SLC25A51: variants seen among roughly 807,000 people sequenced by gnomAD.
SLC25A51 encodes mitochondrial nicotinamide adenine dinucleotide transporter SLC25A51.
SLC25A51 carries 11 observed loss-of-function variants against 19.1 expected under a neutral mutation model. The ratio of observed to expected loss-of-function variants is 0.58; its 90% CI spans 0.36 to 0.96. SLC25A51 has a LOEUF of 0.96. Ranked by LOEUF, SLC25A51 falls within the 40% of genes least tolerant of loss-of-function variation. The pLI, the probability that SLC25A51 is intolerant of heterozygous loss-of-function variation, is 0.01. For missense variants in SLC25A51, 201 were observed against 365.4 expected, an observed-to-expected ratio of 0.55 and a Z score of 3.67; for synonymous variants, 105 against 133.6, an observed-to-expected ratio of 0.79 and a Z score of 1.47.
At chr9:37,881,335 T>A (rs1004840953) in intron 3 of SLC25A51, among the ~76,000 whole-genome samples, 1 of 151,824 alleles carries the variant, frequency 6.6e-6, no homozygotes, top group South Asian at 2.1e-4. Context: ...AGTAGAGAAG[T>A]GTATTAAATA....
At chr9:37,892,043 T>C (rs1564068911) in intron 2 of SLC25A51, among the ~76,000 whole-genome samples, 1 of 151,994 alleles carries the variant, frequency 6.6e-6, no homozygotes, top group Non-Finnish European at 1.5e-5. Context: ...TTATTAAAAA[T>C]AAAGAAGTGT....
intron 2 of SLC25A51, among the ~76,000 whole-genome samples, chr9:37,892,538 C>T (rs1387223373): frequency 2.0e-5 from 3 of 151,780 alleles, no homozygotes; most frequent in African/African-American, 4.8e-5. Context: ...TATATATATA[C>T]AATATATACA....
chr9:37,901,162 T>C (rs1831839579), intron 1 of SLC25A51, among the ~76,000 whole-genome samples: 1 of 152,020 alleles, frequency 6.6e-6, no homozygotes, highest in Admixed American at 6.6e-5. Flanking sequence ...CATGCTCACC[T>C]AGTTTAAAAA....
At chr9:37,901,341 T>C (rs1831844448) in intron 1 of SLC25A51, among the ~76,000 whole-genome samples, 2 of 152,072 alleles carry the variant, frequency 1.3e-5, no homozygotes, top group South Asian at 4.2e-4. Flanking sequence ...CTAATTTCTG[T>C]ATTTTTAGTG....
exon 4 of SLC25A51, chr9:37,880,139 T>C (rs1831322465): frequency 6.8e-6 from 1 of 146,042 alleles, no homozygotes; most frequent in Non-Finnish European, 1.5e-5. Context: ...GGCGCAAAAC[T>C]GTCTCTACTG....
downstream of SLC25A51, chr9:37,886,484 C>T (rs1831460502): frequency 1.5e-6 from 2 of 1,372,140 alleles, no homozygotes; most frequent in Non-Finnish European, 9.7e-7. Context: ...TATGTTTTCC[C>T]TTTGGCTGTG....
intron 2 of SLC25A51, among the ~76,000 whole-genome samples, chr9:37,897,634 T>C (rs373467848): frequency 7.9e-5 from 12 of 151,088 alleles, no homozygotes; most frequent in Admixed American, 2.0e-4. Flanking sequence ...TAAAGGATTA[T>C]AATAAATTAT....
In SLC25A51 at chr9:37,887,777, C is replaced by T; in HGVS notation, c.774G>A (p.Trp258Ter). ...TTATCAGTTTTCTGTCCCGTTCCAG[C>T]CAGATTTTTTGGAAAACCTTGGGGA... is the stretch of plus-strand genomic sequence containing the variant. ...QSFPKVFQKIWLERDRKLINL... is the reference protein window; with the variant it reads ...QSFPKVFQKI Residue 258 changes from tryptophan (W) to a stop codon, truncating the protein, a stop_gained, in exon 3 of 3, where the codon TGG (tryptophan) becomes TGA (stop). Transcript: ENST00000242275. LOFTEE classifies it high-confidence loss of function. 1 of 1,613,828 alleles carries T rather than the reference C, an allele frequency of 6.2e-7. No individual in the cohort carries two copies. Among genetic ancestry groups the T allele is most frequent in the Non-Finnish European group, 8.5e-7 (1 of 1,179,856 alleles).
rs1452550402 is a variant in SLC25A51, at chr9:37,887,881, T to C, written c.670A>G (p.Met224Val). 2 of 1,612,032 alleles carry C rather than the reference T, an allele frequency of 1.2e-6. No homozygotes were observed. The highest frequency in any genetic ancestry group is 1.7e-5 in the Admixed American group (1 of 60,016). The change falls in exon 3 of 3, where the codon ATG (methionine) becomes GTG (valine). Residue 224 changes from methionine to valine, a missense_variant. Coordinates refer to ENST00000242275, the MANE Select transcript of SLC25A51 (RefSeq NM_033412.4). ...DFICGGLLGA[M>V]LGFLFFPINV... The stretch of plus-strand genomic sequence containing the variant: ...ATTGGAAAAAACAAGAATCCCAACA[T>C]GGCACCCAATAGACCTCCACAGATA...
chr9:37,885,970 T>C (rs142184219), downstream of SLC25A51: 29 of 1,613,768 alleles, frequency 1.8e-5, no homozygotes, highest in African/African-American at 2.8e-4. Flanking sequence ...ACAGGGTCAC[T>C]TGGATTGTGG....
intron 2 of SLC25A51, among the ~76,000 whole-genome samples, chr9:37,894,787 A>G (rs1438661779): frequency 2.0e-5 from 3 of 151,760 alleles, no homozygotes; most frequent in African/African-American, 7.3e-5. Flanking sequence ...CCACCCTCCT[A>G]TGGGCCCCAG....
chr9:37,896,045 C>T (rs1405971444), intron 2 of SLC25A51, among the ~76,000 whole-genome samples: 3 of 152,092 alleles, frequency 2.0e-5, no homozygotes, highest in Non-Finnish European at 4.4e-5. Flanking sequence ...AACTCCTGGC[C>T]TCAAGTGACC....
At chr9:37,902,558 A>G (rs1426991825) in intron 1 of SLC25A51, among the ~76,000 whole-genome samples, 1 of 152,252 alleles carries the variant, frequency 6.6e-6, no homozygotes, top group African/African-American at 2.4e-5. Flanking sequence ...TTGGTAGTAC[A>G]GTTTAGACTT....
downstream of SLC25A51, chr9:37,878,996 GA>G (rs1831302836): frequency 3.8e-6 from 1 of 264,132 alleles, no homozygotes; most frequent in Non-Finnish European, 7.8e-6. Flanking sequence ...GGGTTGTAGA[GA>G]GTAGAGTTGC....
chr9:37,889,330 CAA>C (rs1831529925), intron 2 of SLC25A51, among the ~76,000 whole-genome samples: 1 of 152,094 alleles, frequency 6.6e-6, no homozygotes, highest in Non-Finnish European at 1.5e-5. Flanking sequence ...GCTAGAGATT[CAA>C]AGATAAGGAA....
downstream of SLC25A51, chr9:37,887,589 A>AG: frequency 1.5e-5 from 22 of 1,490,332 alleles, no homozygotes; most frequent in Non-Finnish European, 2.0e-5. Flanking sequence ...AAAAAAAAAA[A>AG]GAGGCCAAAC....
At chr9:37,894,010 C>A (rs766510610) in intron 2 of SLC25A51, among the ~76,000 whole-genome samples, 7 of 152,146 alleles carry the variant, frequency 4.6e-5, no homozygotes, top group Non-Finnish European at 8.8e-5. Context: ...ACACACACTA[C>A]TAAGTTTAAA....
exon 4 of SLC25A51, chr9:37,880,441 T>C (rs1305630877): frequency 6.6e-6 from 1 of 152,012 alleles, no homozygotes; most frequent in East Asian, 1.9e-4. Context: ...ATTTCCTAGT[T>C]GGGAACGTCA....
At chr9:37,894,310 C>G (rs1178645713) in intron 2 of SLC25A51, among the ~76,000 whole-genome samples, 1 of 151,830 alleles carries the variant, frequency 6.6e-6, no homozygotes, top group Non-Finnish European at 1.5e-5. Context: ...AACCTGCCCC[C>G]ACTCACCTTT....
Sources: gnomAD v4.1 joint callset for allele counts (sites outside exome capture counted in the v4.1 genomes callset) on GRCh38, gnomAD v4.1.1 for gene constraint, MANE v1.5 for transcripts, NCBI Gene and HGNC (gene_info 2026-07-23, HGNC 2026-07-21) for gene names.